The following CYP7B1 variants were observed in gnomAD, a reference collection of about 807,000 sequenced individuals.
The protein encoded by CYP7B1 is cytochrome P450 family 7 subfamily B member 1.
Under a neutral mutation model 42.7 loss-of-function variants are expected in CYP7B1, and 29 were observed. The observed-to-expected ratio is 0.68, with a 90% confidence interval of 0.51 to 0.93. The LOEUF (loss-of-function observed/expected upper bound fraction) is 0.93, where lower values mean the gene tolerates loss of function less well. Ranked by LOEUF, CYP7B1 falls within the 40% of genes least tolerant of loss-of-function variation. The pLI, the probability that CYP7B1 is intolerant of heterozygous loss-of-function variation, is 0.00. For synonymous variants in CYP7B1, 235 were observed against 218.2 expected (o/e 1.08, Z -0.68); for missense variants, 655 against 600.5 (o/e 1.09, Z -0.95).
chr8:64,615,954 A>G lies in CYP7B1; in HGVS notation c.587T>C (p.Ile196Thr), dbSNP rs1805436754. Residue 196 changes from isoleucine to threonine, a missense_variant, in exon 3 of 6, where the codon ATA becomes ACA. Physicochemically the swap from Ile to Thr is moderately conservative, Grantham distance 89 (BLOSUM62 -1). Coordinates refer to ENST00000310193, the MANE Select transcript of CYP7B1 (RefSeq NM_004820.5). ...SIIFEITFTT[I>T]YGKVIVCDNN... ...GTCACAAACAATAACTTTTCCATAT[A>G]TAGTTGTAAATGTGATCTCAAATAT... is the stretch of plus-strand genomic sequence containing the variant. The G allele has an allele frequency of 3.1e-6, 5 of 1,613,650 alleles. No individual in the cohort carries two copies. Among genetic ancestry groups the G allele is most frequent in the Non-Finnish European group, 4.2e-6 (5 of 1,179,804 alleles).
At chr8:64,709,915 G>A (rs1443713107) in intron 1 of CYP7B1, among the ~76,000 whole-genome samples, 1 of 151,926 alleles carries the variant, frequency 6.6e-6, no homozygotes, top group Non-Finnish European at 1.5e-5. Flanking sequence ...AAACTTTACT[G>A]TTTGAGAGCA....
At chr8:64,725,381 T>C (rs938212104) in intron 1 of CYP7B1, among the ~76,000 whole-genome samples, 1 of 152,240 alleles carries the variant, frequency 6.6e-6, no homozygotes, top group Admixed American at 6.5e-5. Flanking sequence ...GGAGAATCAC[T>C]GAACGTCTCT....
chr8:64,675,519 C>G (rs988105566), intron 1 of CYP7B1, among the ~76,000 whole-genome samples: 5 of 150,610 alleles, frequency 3.3e-5, no homozygotes, highest in Admixed American at 6.6e-5. Flanking sequence ...TATTATTTTA[C>G]TGATTTTGAG....
At chr8:64,758,378 G>T (rs1386203577) in intron 1 of CYP7B1, among the ~76,000 whole-genome samples, 1 of 152,106 alleles carries the variant, frequency 6.6e-6, no homozygotes, top group Non-Finnish European at 1.5e-5. Context: ...AAATTCATTT[G>T]CTATCTTGGG....
At chr8:64,686,112 G>T (rs1806635973) in intron 1 of CYP7B1, among the ~76,000 whole-genome samples, 1 of 105,640 alleles carries the variant, frequency 9.5e-6, no homozygotes. Flanking sequence ...GGGGGGGTCA[G>T]CCCTCCGCCC....
rs1318400637 is a variant in CYP7B1, at chr8:64,596,643, T to C, written c.1520A>G (p.Ter507TrpextTer3). The change falls in exon 6 of 6, where the codon TAG (stop) becomes TGG (tryptophan). Residue 507 changes from the stop codon to tryptophan (W), a stop_lost. Transcript: ENST00000310193. ...DVLFRYKVKS[*>W] ...TTATTTTCTTTCCTTTTAGCTTCTC[T>C]AAGATTTCACTTTGTATCTAAATAA... 6.2e-7 allele frequency: 1 copy of C among 1,611,156 alleles called. No individual in the cohort carries two copies. The highest frequency in any genetic ancestry group is 1.3e-5 in the African/African-American group (1 of 74,876).
At chr8:64,722,812 A>G (rs916580018) in intron 1 of CYP7B1, among the ~76,000 whole-genome samples, 7 of 147,788 alleles carry the variant, frequency 4.7e-5, no homozygotes, top group African/African-American at 1.5e-4. Flanking sequence ...TTTGGTTTAG[A>G]AACATAAGGC....
At chr8:64,715,762 T>C (rs1237083681) in intron 1 of CYP7B1, among the ~76,000 whole-genome samples, 2 of 152,318 alleles carry the variant, frequency 1.3e-5, no homozygotes, top group East Asian at 3.9e-4. Context: ...CTCTACAGCA[T>C]AGTAACATGA....
At chr8:64,647,294 G>A (rs1805968608) in intron 1 of CYP7B1, among the ~76,000 whole-genome samples, 1 of 151,888 alleles carries the variant, frequency 6.6e-6, no homozygotes, top group Admixed American at 6.6e-5. Flanking sequence ...ACAGATCACT[G>A]AAAAAGGTAT....
chr8:64,653,374 C>T (rs541302693), intron 1 of CYP7B1, among the ~76,000 whole-genome samples: 8 of 152,304 alleles, frequency 5.3e-5, no homozygotes, highest in African/African-American at 1.7e-4. Context: ...AGGAACACCT[C>T]TAGGCACACA....
intron 1 of CYP7B1, among the ~76,000 whole-genome samples, chr8:64,711,044 G>T (rs187736172): frequency 1.3e-5 from 2 of 152,214 alleles, no homozygotes; most frequent in East Asian, 3.9e-4. Flanking sequence ...CAAGCACATT[G>T]CAGTTTGCCC....
intron 1 of CYP7B1, among the ~76,000 whole-genome samples, chr8:64,691,807 G>A (rs571243163): frequency 1.1e-4 from 17 of 152,232 alleles, no homozygotes; most frequent in African/African-American, 4.1e-4. Context: ...CACAGTAGGG[G>A]GCAGAGCCAG....
chr8:64,665,209 A>G (rs1346816233), intron 1 of CYP7B1, among the ~76,000 whole-genome samples: 1 of 152,150 alleles, frequency 6.6e-6, no homozygotes, highest in Non-Finnish European at 1.5e-5. Context: ...GCCCTCCCCT[A>G]GGAGTTCATT....
chr8:64,654,990 C>T (rs550799432), intron 1 of CYP7B1, among the ~76,000 whole-genome samples: 1 of 152,204 alleles, frequency 6.6e-6, no homozygotes, highest in East Asian at 1.9e-4. Flanking sequence ...TGAAGCTGGA[C>T]CCCTTTTTTA....
intron 1 of CYP7B1, among the ~76,000 whole-genome samples, chr8:64,666,803 C>A (rs1371975484): frequency 6.6e-6 from 1 of 152,186 alleles, no homozygotes; most frequent in African/African-American, 2.4e-5. Flanking sequence ...TACCAAATTA[C>A]ATACAGCACC....
At chr8:64,630,719 T>C (rs1028667808) in intron 1 of CYP7B1, among the ~76,000 whole-genome samples, 40 of 152,344 alleles carry the variant, frequency 2.6e-4, no homozygotes, top group African/African-American at 9.4e-4. Flanking sequence ...AAATATGCTA[T>C]GCAAAGAGCT....
intron 1 of CYP7B1, among the ~76,000 whole-genome samples, chr8:64,659,924 G>A (rs79890001): frequency 0.066 from 9,971 of 152,160 alleles, 397 homozygotes; most frequent in South Asian, 0.16. Flanking sequence ...TTGAGTGTAT[G>A]GGATATACCA....
In CYP7B1 at chr8:64,596,523, G is replaced by T; in HGVS notation, c.*119C>A. 3 of 1,064,188 alleles carry T rather than the reference G, an allele frequency of 2.8e-6. No homozygotes were observed. Among genetic ancestry groups the T allele is most frequent in the Non-Finnish European group, 4.1e-6 (3 of 740,660 alleles). The allele number at this position is 1,064,188 out of a possible 1,614,324, so 65.9% of individuals were successfully genotyped here. ...AACTGGACTGATATCAGATCAAATA[G>T]AAATTAGCGCTTTTTAAACAAATAA... On this transcript the variant is annotated 3_prime_UTR_variant, in exon 6 of 6. Coordinates refer to ENST00000310193, the MANE Select transcript of CYP7B1 (RefSeq NM_004820.5).
At chr8:64,686,053 G>T (rs1806632367) in intron 1 of CYP7B1, among the ~76,000 whole-genome samples, 3 of 131,882 alleles carry the variant, frequency 2.3e-5, no homozygotes, top group South Asian at 4.8e-4. Context: ...AGGGAGATGG[G>T]GGGGGTCAGC....
Sources: allele counts gnomAD v4.1 joint callset (sites outside exome capture counted in the v4.1 genomes callset), GRCh38; gene constraint gnomAD v4.1.1; transcripts MANE v1.5; gene names NCBI Gene and HGNC (gene_info 2026-07-23, HGNC 2026-07-21).